Variants in CACNA1C observed in about 807,000 individuals in gnomAD.
CACNA1C encodes voltage-dependent L-type calcium channel subunit alpha-1C.
CACNA1C carries 30 observed loss-of-function variants against 229.0 expected under a neutral mutation model. That is an observed-to-expected ratio of 0.13 (90% CI 0.10 to 0.18). The LOEUF (loss-of-function observed/expected upper bound fraction) is 0.18. Among genes scored for constraint, CACNA1C ranks in the 10% least tolerant of loss-of-function variants. The pLI, the probability that CACNA1C is intolerant of heterozygous loss-of-function variation, is 1.00. For synonymous variants in CACNA1C, 1,114 were observed against 1,132.5 expected, an observed-to-expected ratio of 0.98 and a Z score of 0.33; for missense variants, 1,658 against 2,845.0, an observed-to-expected ratio of 0.58 and a Z score of 9.49.
chr12:2,571,710 G>A (rs1330855815), intron 13 of CACNA1C, among the ~76,000 whole-genome samples: 1 of 152,188 alleles, frequency 6.6e-6, no homozygotes, highest in Admixed American at 6.5e-5. Flanking sequence ...CTAATTGAAA[G>A]TGACTGTGGC....
intron 28 of CACNA1C, 98 bp downstream of exon 28, chr12:2,610,797 T>G: frequency 8.2e-7 from 1 of 1,225,946 alleles, no homozygotes; most frequent in Non-Finnish European, 1.2e-6. Context: ...GTGCATCGCT[T>G]TCCTGGTCAC....
intron 3 of CACNA1C, among the ~76,000 whole-genome samples, chr12:2,424,260 A>G (rs1186751924): frequency 6.6e-6 from 1 of 152,172 alleles, no homozygotes; most frequent in African/African-American, 2.4e-5. Flanking sequence ...GGCATTCAGA[A>G]TGCACTCAGC....
intron 1 of CACNA1C, among the ~76,000 whole-genome samples, chr12:2,091,216 C>G (rs1190956513): frequency 6.6e-6 from 1 of 152,188 alleles, no homozygotes; most frequent in Non-Finnish European, 1.5e-5. Flanking sequence ...TTACTTGTCC[C>G]CATTGGCCAT....
intron 3 of CACNA1C, among the ~76,000 whole-genome samples, chr12:2,377,640 C>T (rs1187789914): frequency 1.3e-4 from 20 of 152,190 alleles, no homozygotes; most frequent in Admixed American, 1.1e-3. Context: ...ATTGAGCACA[C>T]GTTATATGTT....
chr12:2,172,237 A>G (rs561884779), intron 3 of CACNA1C, among the ~76,000 whole-genome samples: 1 of 152,288 alleles, frequency 6.6e-6, no homozygotes, highest in South Asian at 2.1e-4. Flanking sequence ...CCTCAGCAAC[A>G]GGGGCCCTGG....
intron 3 of CACNA1C, among the ~76,000 whole-genome samples, chr12:2,129,130 C>T (rs549454516): frequency 6.6e-6 from 1 of 152,308 alleles, no homozygotes; most frequent in South Asian, 2.1e-4. Flanking sequence ...TTGGGAAATG[C>T]TGCTCTGTGT....
intron 3 of CACNA1C, among the ~76,000 whole-genome samples, chr12:2,187,720 G>A (rs1272058460): frequency 6.6e-6 from 1 of 152,238 alleles, no homozygotes; most frequent in Non-Finnish European, 1.5e-5. Context: ...CAGGGGCGGC[G>A]ATTGGTTTGT....
chr12:2,680,421 A>G lies in CACNA1C; in HGVS notation c.5444+625A>G, dbSNP rs546402760. ...CTTCCCTCCCGCCCTGGGCCCCCGCAGGGCTCCTCCCTGTCTGCATCAGCA... is the reference window on the plus strand; with the variant it reads ...CTTCCCTCCCGCCCTGGGCCCCCGCGGGGCTCCTCCCTGTCTGCATCAGCA... On this transcript the variant is annotated intron_variant, in intron 42 of 46. Coordinates refer to ENST00000399655, the MANE Select transcript of CACNA1C (RefSeq NM_000719.7). 6 of 1,561,344 alleles carry G rather than the reference A, an allele frequency of 3.8e-6. No homozygotes were observed. Among genetic ancestry groups the G allele is most frequent in the African/African-American group, 2.7e-5 (2 of 73,748 alleles).
intron 1 of CACNA1C, among the ~76,000 whole-genome samples, chr12:2,019,425 A>C (rs761068827): frequency 7.5e-5 from 11 of 147,560 alleles, no homozygotes; most frequent in Non-Finnish European, 1.3e-4. Flanking sequence ...ACGCCACTGC[A>C]CTCTAGCCTA....
chr12:2,556,745 T>C (rs558532550), intron 10 of CACNA1C, among the ~76,000 whole-genome samples: 2 of 152,332 alleles, frequency 1.3e-5, no homozygotes, highest in African/African-American at 4.8e-5. Flanking sequence ...ACTTAGAAGA[T>C]GCTAGCCAGG....
intron 1 of CACNA1C, among the ~76,000 whole-genome samples, chr12:2,016,404 A>T (rs2045374732): frequency 6.6e-6 from 1 of 152,182 alleles, no homozygotes; most frequent in South Asian, 2.1e-4. Context: ...ATTGATTGTG[A>T]CAATGGGTTT....
intron 3 of CACNA1C, among the ~76,000 whole-genome samples, chr12:2,413,854 T>G (rs2098835589): frequency 6.6e-6 from 1 of 152,190 alleles, no homozygotes; most frequent in Admixed American, 6.5e-5. Flanking sequence ...GAGCTAGAGG[T>G]GAGCTTCCCT....
At chr12:2,368,123 C>G (rs1249129114) in intron 3 of CACNA1C, among the ~76,000 whole-genome samples, 1 of 152,106 alleles carries the variant, frequency 6.6e-6, no homozygotes, top group East Asian at 1.9e-4. Flanking sequence ...AACTCAATAT[C>G]CATTTTAAAT....
intron 45 of CACNA1C, among the ~76,000 whole-genome samples, chr12:2,687,392 G>A (rs1402227540): frequency 1.3e-5 from 2 of 152,146 alleles, no homozygotes; most frequent in African/African-American, 2.4e-5. Context: ...CCACAGTGTC[G>A]CTCTCTCCCG....
chr12:2,004,997 GACTT>G (rs1027132394), intron 1 of CACNA1C, among the ~76,000 whole-genome samples: 6 of 151,598 alleles, frequency 4.0e-5, no homozygotes, highest in Non-Finnish European at 5.9e-5. Flanking sequence ...ACAATGCTGA[GACTT>G]ACTTATTTGA....
At chr12:2,634,556 C>CTT (rs57723819) in intron 30 of CACNA1C, among the ~76,000 whole-genome samples, 176 bp downstream of exon 30, 221 of 133,326 alleles carry the variant, frequency 1.7e-3, no homozygotes, top group African/African-American at 5.3e-3. Flanking sequence ...ATTTTGAAAT[C>CTT]TTTTTTTTTT....
intron 3 of CACNA1C, among the ~76,000 whole-genome samples, chr12:2,203,695 C>G (rs2097668736): frequency 6.6e-6 from 1 of 151,178 alleles, no homozygotes; most frequent in Non-Finnish European, 1.5e-5. Flanking sequence ...CCCACCAGCC[C>G]CTCATGGCTT....
At chr12:2,607,605 G>C (rs1198959762) in intron 26 of CACNA1C, among the ~76,000 whole-genome samples, 1 of 152,224 alleles carries the variant, frequency 6.6e-6, no homozygotes, top group Admixed American at 6.5e-5. Flanking sequence ...ATTTACAGTG[G>C]AAAGTAGGAA....
Position 2,605,573 on chromosome 12 carries a change from C to A in CACNA1C, c.3049-106C>A. ...GGGAGCGTGGCTTTGCCCCTCTCAG[C>A]CCAATTACTCCCCGTTGTGGCAAAC... On this transcript the variant is annotated intron_variant, in intron 23 of 46. Transcript: ENST00000399655. This position sits in a 1 kb window ranked among gnomAD's most constrained non-coding sequence, Gnocchi z 6.2. 1.3e-6 allele frequency: 1 copy of A among 790,256 alleles called. No homozygotes were observed. The allele number at this position is 790,256 out of a possible 1,614,324, so 49.0% of individuals were successfully genotyped here.
Sources: allele counts gnomAD v4.1 joint callset (sites outside exome capture counted in the v4.1 genomes callset), GRCh38; gene constraint gnomAD v4.1.1; non-coding constraint Gnocchi (gnomAD v3.1); transcripts MANE v1.5; gene names NCBI Gene and HGNC (gene_info 2026-07-23, HGNC 2026-07-21).